Variants in GREB1L observed in about 807,000 individuals in gnomAD.
GREB1L encodes the protein GREB1 like retinoic acid receptor coactivator, also known as GREB1-like protein.
Under a neutral mutation model 200.8 loss-of-function variants are expected in GREB1L, and 17 were observed. The ratio of observed to expected loss-of-function variants is 0.08; its 90% confidence interval spans 0.06 to 0.13. The LOEUF (loss-of-function observed/expected upper bound fraction) is 0.13, where lower values mean the gene tolerates loss of function less well. Ranked by LOEUF, GREB1L falls within the 10% of genes least tolerant of loss-of-function variation. The pLI, the probability that GREB1L is intolerant of heterozygous loss-of-function variation, is 1.00. For missense variants in GREB1L, 1,657 were observed against 2,367.7 expected (o/e 0.70, Z 6.23); for synonymous variants, 789 against 893.0 (o/e 0.88, Z 2.08).
At chr18:21,426,487 G>A (rs2032587311) in intron 7 of GREB1L, among the ~76,000 whole-genome samples, 1 of 152,164 alleles carries the variant, frequency 6.6e-6, no homozygotes, top group South Asian at 2.1e-4. Context: ...TCTTGGCACT[G>A]TTGTCAAATT....
chr18:21,242,889 C>CGGAGGTGGCGGGGAGAGGATGGATG (rs2037526192), intron 1 of GREB1L, among the ~76,000 whole-genome samples: 6 of 152,048 alleles, frequency 3.9e-5, no homozygotes. Context: ...TAGGGCGCCG[C>CGGAGGTGGCGGGGAGAGGATGGATG]GGAGGTGGCG....
intron 1 of GREB1L, among the ~76,000 whole-genome samples, chr18:21,305,802 T>C (rs2038689672): frequency 1.3e-5 from 2 of 152,190 alleles, no homozygotes; most frequent in Admixed American, 1.3e-4. Context: ...CACTTTCCTT[T>C]CACTTACTGG....
At chr18:21,333,752 T>A (rs549370837) in intron 1 of GREB1L, among the ~76,000 whole-genome samples, 1 of 151,252 alleles carries the variant, frequency 6.6e-6, no homozygotes, top group South Asian at 2.1e-4. Flanking sequence ...GAGGCTGAGG[T>A]GAGAGGATTG....
intron 1 of GREB1L, among the ~76,000 whole-genome samples, chr18:21,253,249 A>ATTTTTT (rs66924517): frequency 7.9e-6 from 1 of 127,162 alleles, no homozygotes. Flanking sequence ...TATTTCAAGA[A>ATTTTTT]TTTTTTTTTT....
rs1164462285 is a variant in GREB1L, at chr18:21,459,769, C to T, written c.2182+5206C>T. Among the ~76,000 whole-genome samples, 3 of 152,020 alleles carry T rather than the reference C, an allele frequency of 2.0e-5. No homozygotes were observed. The South Asian group carries it at 6.2e-4, about 32-fold the overall frequency. On this transcript the variant is annotated intron_variant, in intron 15 of 32. Transcript: ENST00000424526. ...AGAAAAAAAGACAGTATTTTTTGTT[C>T]AGTGACTAAGACACAGGGAACAGGT...
chr18:21,317,437 C>CAA, intron 1 of GREB1L: 1 of 151,318 alleles, frequency 6.6e-6, no homozygotes, highest in Non-Finnish European at 1.5e-5. Flanking sequence ...TGTGCCTCTA[C>CAA]AAAAAAAATA....
chr18:21,468,749 G>A (rs2035367199), intron 15 of GREB1L: 1 of 456,448 alleles, frequency 2.2e-6, no homozygotes, highest in Admixed American at 2.4e-5. Context: ...TTCACACATT[G>A]CATTCAGTTA....
chr18:21,397,950 TAGA>T (rs1231625332), intron 5 of GREB1L, among the ~76,000 whole-genome samples: 2 of 152,216 alleles, frequency 1.3e-5, no homozygotes, highest in Middle Eastern at 3.2e-3. Flanking sequence ...TAGGCTGTAG[TAGA>T]ACAACTTCAG....
At chr18:21,497,408 C>T (rs1161349500) in intron 21 of GREB1L, among the ~76,000 whole-genome samples, 9 of 152,042 alleles carry the variant, frequency 5.9e-5, no homozygotes, top group South Asian at 4.2e-4. Flanking sequence ...TTTGGGAGGC[C>T]GAGGCAGGTG....
rs372378367 is a variant in GREB1L at position 21,514,996 on chromosome 18, C to T, written c.4902-421C>T. Reference sequence around the variant, plus strand: ...ACACTGTGCCAGCTGACCTTTAAGCCCCTCCCAGCTCAAACACTGTGATTT... The same window carrying T: ...ACACTGTGCCAGCTGACCTTTAAGCTCCTCCCAGCTCAAACACTGTGATTT... On this transcript the variant is annotated intron_variant, in intron 28 of 32. Coordinates refer to ENST00000424526, the MANE Select transcript of GREB1L (RefSeq NM_001142966.3). Among the ~76,000 whole-genome samples the T allele has an allele frequency of 1.4e-4, 21 of 152,286 alleles. 1 individual carries two copies. Among genetic ancestry groups the T allele is most frequent in the African/African-American group, 4.8e-4 (20 of 41,552 alleles).
chr18:21,328,459 C>T (rs145005580), intron 1 of GREB1L, among the ~76,000 whole-genome samples: 1 of 152,324 alleles, frequency 6.6e-6, no homozygotes, highest in Non-Finnish European at 1.5e-5. Context: ...GAATTAGGCA[C>T]AGAAAGTCTG....
chr18:21,275,155 G>C (rs192647213), intron 1 of GREB1L, among the ~76,000 whole-genome samples: 119 of 151,226 alleles, frequency 7.9e-4, no homozygotes, highest in Admixed American at 2.8e-3. Context: ...CAGGAGAATA[G>C]CTTGAACCCA....
At chr18:21,251,477 C>T (rs1739563337) in intron 1 of GREB1L, among the ~76,000 whole-genome samples, 1 of 152,056 alleles carries the variant, frequency 6.6e-6, no homozygotes, top group Non-Finnish European at 1.5e-5. Flanking sequence ...AGTTAAACAA[C>T]CATTACTTCA....
At chr18:21,310,490 A>G (rs1813709668) in intron 1 of GREB1L, among the ~76,000 whole-genome samples, 1 of 152,232 alleles carries the variant, frequency 6.6e-6, no homozygotes, top group African/African-American at 2.4e-5. Context: ...CTAGAAAACA[A>G]CTGGGTTCTC....
At position 21,523,833 on chromosome 18, in the gene GREB1L, T is replaced by C. The variant is rs553079238; in HGVS notation, c.*1012T>C. Reference sequence around the variant, plus strand: ...CCACAGAAATTGCCGAATTGGGAAATTGAGCCATAGAAAGAGAAATGTTTT... The same window carrying C: ...CCACAGAAATTGCCGAATTGGGAAACTGAGCCATAGAAAGAGAAATGTTTT... On this transcript the variant is annotated 3_prime_UTR_variant, in exon 33 of 33. Transcript: ENST00000424526. The C allele has an allele frequency of 6.6e-6, 1 of 152,288 alleles. No homozygotes were observed. Among genetic ancestry groups the C allele is most frequent in the East Asian group, 1.9e-4 (1 of 5,186 alleles). 9.4% of individuals were successfully genotyped at this position (152,288 alleles called of 1,614,324 possible).
chr18:21,337,727 C>A (rs1436024495), intron 1 of GREB1L, among the ~76,000 whole-genome samples: 1 of 152,160 alleles, frequency 6.6e-6, no homozygotes, highest in Non-Finnish European at 1.5e-5. Flanking sequence ...TGGCTCACAC[C>A]TGTAATCCCA....
intron 1 of GREB1L, among the ~76,000 whole-genome samples, chr18:21,271,873 AG>A (rs1275892186): frequency 2.0e-5 from 3 of 152,088 alleles, no homozygotes; most frequent in Non-Finnish European, 4.4e-5. Flanking sequence ...CCCTCACTAC[AG>A]GGGAGGCTAA....
intron 27 of GREB1L, 124 bp downstream of exon 27, chr18:21,508,715 G>GTA: frequency 2.6e-6 from 1 of 380,008 alleles, no homozygotes; most frequent in Non-Finnish European, 4.7e-6. Context: ...CCACTCTTCG[G>GTA]AAAAAAAAAA....
At chr18:21,426,104 T>G (rs1471319131) in intron 7 of GREB1L, among the ~76,000 whole-genome samples, 2 of 151,604 alleles carry the variant, frequency 1.3e-5, no homozygotes, top group Non-Finnish European at 2.9e-5. Context: ...TCACCCAGGT[T>G]GGAGTGCAGT....
Sources: allele counts gnomAD v4.1 joint callset (sites outside exome capture counted in the v4.1 genomes callset), GRCh38; gene constraint gnomAD v4.1.1; transcripts MANE v1.5; gene names NCBI Gene and HGNC (gene_info 2026-07-23, HGNC 2026-07-21).